HIBADH: variants seen among roughly 807,000 people sequenced by gnomAD.
HIBADH encodes 3-hydroxyisobutyrate dehydrogenase, mitochondrial.
A neutral mutation model predicts 36.1 loss-of-function variants in HIBADH; 25 were observed. The ratio of observed to expected loss-of-function variants is 0.69; its 90% CI spans 0.50 to 0.97. The LOEUF (loss-of-function observed/expected upper bound fraction) is 0.97. HIBADH is among the 50% of genes least tolerant of loss of function. The probability of loss-of-function intolerance (pLI) is 0.00; values close to 1 mark genes in which losing one functional copy is unlikely to be tolerated. For synonymous variants in HIBADH, 160 were observed against 149.5 expected (o/e 1.07, Z -0.51); for missense variants, 421 against 418.0 (o/e 1.01, Z -0.06).
intron 4 of HIBADH, among the ~76,000 whole-genome samples, chr7:27,575,628 G>C (rs907724642): frequency 2.6e-5 from 4 of 152,160 alleles, no homozygotes; most frequent in African/African-American, 9.7e-5. Flanking sequence ...GATGGTAAAA[G>C]CAGCAAGAAG....
chr7:27,553,813 C>T (rs1440171405), intron 4 of HIBADH, among the ~76,000 whole-genome samples: 1 of 152,124 alleles, frequency 6.6e-6, no homozygotes, highest in Non-Finnish European at 1.5e-5. Flanking sequence ...CTCCGTCTTG[C>T]AAATAACGTA....
At chr7:27,541,132 CT>C (rs60000681) in intron 5 of HIBADH, among the ~76,000 whole-genome samples, 10,509 of 144,184 alleles carry the variant, frequency 0.073, 1,122 homozygotes, top group African/African-American at 0.24. Flanking sequence ...TTCGAGCATC[CT>C]TTTTTTTTTT....
intron 4 of HIBADH, among the ~76,000 whole-genome samples, chr7:27,622,436 T>G (rs1785561954): frequency 6.6e-6 from 1 of 151,492 alleles, no homozygotes; most frequent in South Asian, 2.1e-4. Flanking sequence ...ATAATAAAGA[T>G]CAGAGCAGAG....
intron 4 of HIBADH, among the ~76,000 whole-genome samples, chr7:27,625,919 T>C (rs983873451): frequency 2.6e-5 from 4 of 151,804 alleles, no homozygotes; most frequent in Non-Finnish European, 4.4e-5. Flanking sequence ...CTGGCCAACA[T>C]GGTGAAACCC....
intron 7 of HIBADH, among the ~76,000 whole-genome samples, chr7:27,526,694 T>A (rs1467375740): frequency 1.3e-5 from 2 of 152,110 alleles, no homozygotes; most frequent in African/African-American, 4.8e-5. Flanking sequence ...ATAAATTTTT[T>A]TTAAAAAATT....
chr7:27,557,803 T>C (rs548904564), intron 4 of HIBADH, among the ~76,000 whole-genome samples: 4 of 152,338 alleles, frequency 2.6e-5, no homozygotes, highest in Non-Finnish European at 5.9e-5. Context: ...CATTGGCCAG[T>C]AAGTATTAAC....
rs566360454 is a variant in HIBADH, at chr7:27,561,905, C to T, written c.485-18805G>A. On this transcript the variant is annotated intron_variant, in intron 4 of 7. Coordinates refer to ENST00000265395, the MANE Select transcript of HIBADH (RefSeq NM_152740.4). ...AGAACTGTTACATTTAATTAATTAA[C>T]CCATTTATTAGATATTAGTAAATCC... Among the ~76,000 whole-genome samples the T allele has an allele frequency of 5.9e-5, 9 of 152,158 alleles. No homozygotes were observed. In the South Asian group the frequency reaches 1.9e-3, roughly 32 times the overall value.
intron 4 of HIBADH, among the ~76,000 whole-genome samples, chr7:27,558,481 C>A (rs118183575): frequency 0.013 from 1,964 of 152,212 alleles, 16 homozygotes; most frequent in Middle Eastern, 0.048. Flanking sequence ...ACAGGCATGA[C>A]CACACCCAGC....
intron 4 of HIBADH, among the ~76,000 whole-genome samples, chr7:27,568,645 T>C (rs2391441): frequency 0.019 from 2,920 of 152,068 alleles, 43 homozygotes; most frequent in Middle Eastern, 0.031. Context: ...AATTTTTTTG[T>C]ATTTTAATAG....
chr7:27,552,009 G>A (rs952498675), intron 4 of HIBADH, among the ~76,000 whole-genome samples: 1 of 152,152 alleles, frequency 6.6e-6, no homozygotes, highest in Non-Finnish European at 1.5e-5. Context: ...AGCGACATTC[G>A]CAGAAAAAGG....
chr7:27,555,723 T>C (rs1784380360), intron 4 of HIBADH, among the ~76,000 whole-genome samples: 1 of 152,148 alleles, frequency 6.6e-6, no homozygotes, highest in Admixed American at 6.5e-5. Flanking sequence ...GACAATTCAA[T>C]ACTATGTCAA....
chr7:27,628,802 CTA>C (rs1785692490), intron 4 of HIBADH, among the ~76,000 whole-genome samples: 1 of 151,884 alleles, frequency 6.6e-6, no homozygotes. Flanking sequence ...TAAAATAAAC[CTA>C]TATTTATTTT....
chr7:27,534,855 A>G (rs1416736691), intron 6 of HIBADH, among the ~76,000 whole-genome samples: 5 of 151,712 alleles, frequency 3.3e-5, no homozygotes, highest in Non-Finnish European at 5.9e-5. Context: ...AAACTATTTA[A>G]TAAGTTTTAT....
chr7:27,643,828 G>A (rs1359445593), intron 2 of HIBADH, among the ~76,000 whole-genome samples: 1 of 152,120 alleles, frequency 6.6e-6, no homozygotes, highest in Admixed American at 6.6e-5. Flanking sequence ...ATATTTTCTG[G>A]CTGGCAGCAG....
intron 4 of HIBADH, among the ~76,000 whole-genome samples, chr7:27,556,851 T>C (rs1351677447): frequency 6.6e-6 from 1 of 152,200 alleles, no homozygotes; most frequent in African/African-American, 2.4e-5. Context: ...AAAAAATTTT[T>C]TTGGGCAGGT....
At chr7:27,638,325 A>AAAAAAAAAAAAAAAAT (rs1785889616) in intron 2 of HIBADH, among the ~76,000 whole-genome samples, 1 of 146,448 alleles carries the variant, frequency 6.8e-6, no homozygotes, top group African/African-American at 2.5e-5. Flanking sequence ...AAAAAAAAAA[A>AAAAAAAAAAAAAAAAT]AAAAACAAGC....
intron 2 of HIBADH, among the ~76,000 whole-genome samples, chr7:27,632,952 G>A (rs12700825): frequency 0.79 from 120,339 of 151,972 alleles, 48,021 homozygotes; most frequent in East Asian, 0.97. Context: ...AAAGAAGAAA[G>A]TATCTGTTTC....
chr7:27,595,911 G>A (rs1396108919), intron 4 of HIBADH, among the ~76,000 whole-genome samples: 1 of 151,966 alleles, frequency 6.6e-6, no homozygotes, highest in Non-Finnish European at 1.5e-5. Flanking sequence ...AGGAAAAAAA[G>A]AAAAGAAAAT....
chr7:27,572,447 A>C (rs1456568999), intron 4 of HIBADH, among the ~76,000 whole-genome samples: 1 of 152,196 alleles, frequency 6.6e-6, no homozygotes, highest in Non-Finnish European at 1.5e-5. Context: ...TTGTATTTTT[A>C]TGCCAAGATA....
Sources: allele counts gnomAD v4.1 joint callset (sites outside exome capture counted in the v4.1 genomes callset), GRCh38; gene constraint gnomAD v4.1.1; transcripts MANE v1.5; gene names NCBI Gene and HGNC (gene_info 2026-07-23, HGNC 2026-07-21).